The following ZMAT4 variants were observed in gnomAD, a reference collection of about 807,000 sequenced individuals.
The protein encoded by ZMAT4 is zinc finger matrin-type 4.
ZMAT4 carries 17 observed loss-of-function variants against 28.7 expected under a neutral mutation model. The observed-to-expected ratio is 0.59, with a 90% CI of 0.41 to 0.89. ZMAT4 has a LOEUF of 0.89. Among genes scored for constraint, ZMAT4 ranks in the 40% least tolerant of loss-of-function variants. The pLI, the probability that ZMAT4 is intolerant of heterozygous loss-of-function variation, is 0.00. For missense variants in ZMAT4, 240 were observed against 283.8 expected (o/e 0.85, Z 1.11); for synonymous variants, 117 against 109.2 (o/e 1.07, Z -0.44).
At chr8:40,722,073 A>G (rs945121706) in intron 3 of ZMAT4, among the ~76,000 whole-genome samples, 2 of 152,030 alleles carry the variant, frequency 1.3e-5, no homozygotes, top group Non-Finnish European at 2.9e-5. Context: ...TAAAAACCCT[A>G]GAAGAAAACC....
chr8:40,760,551 C>T (rs943158497), intron 3 of ZMAT4, among the ~76,000 whole-genome samples: 1 of 152,176 alleles, frequency 6.6e-6, no homozygotes, highest in African/African-American at 2.4e-5. Context: ...AGTACAAAAT[C>T]TGCAATGAAA....
intron 1 of ZMAT4, among the ~76,000 whole-genome samples, chr8:40,840,680 A>G (rs891798755): frequency 6.6e-6 from 1 of 152,216 alleles, no homozygotes; most frequent in Non-Finnish European, 1.5e-5. Flanking sequence ...AGTAGCATTT[A>G]TGCAGTACTA....
chr8:40,889,236 A>G (rs1458838313), intron 1 of ZMAT4, among the ~76,000 whole-genome samples: 1 of 152,208 alleles, frequency 6.6e-6, no homozygotes, highest in Non-Finnish European at 1.5e-5. Context: ...GATCTTGCAC[A>G]CTTCACACCT....
At chr8:40,877,684 G>A (rs1011641091) in intron 1 of ZMAT4, among the ~76,000 whole-genome samples, 1 of 152,146 alleles carries the variant, frequency 6.6e-6, no homozygotes, top group Admixed American at 6.6e-5. Context: ...ATAAACATAT[G>A]CGTGTGTGTG....
At chr8:40,681,744 ATAT>A (rs140599571) in intron 4 of ZMAT4, among the ~76,000 whole-genome samples, 2 of 152,336 alleles carry the variant, frequency 1.3e-5, no homozygotes, top group South Asian at 2.1e-4. Context: ...GTTTTGATAA[ATAT>A]TATAGCTAAA....
intron 1 of ZMAT4, among the ~76,000 whole-genome samples, chr8:40,874,385 G>A (rs1817967413): frequency 6.6e-6 from 1 of 152,162 alleles, no homozygotes; most frequent in South Asian, 2.1e-4. Flanking sequence ...CTATTTAGTG[G>A]GTTCTGAAGA....
At chr8:40,882,620 G>T (rs879647984) in intron 1 of ZMAT4, among the ~76,000 whole-genome samples, 1 of 152,138 alleles carries the variant, frequency 6.6e-6, no homozygotes, top group Non-Finnish European at 1.5e-5. Flanking sequence ...ACCACCACCA[G>T]CAGCGGCTTT....
intron 1 of ZMAT4, among the ~76,000 whole-genome samples, chr8:40,886,907 C>G (rs1390102821): frequency 6.6e-6 from 1 of 152,182 alleles, no homozygotes. Context: ...CGCAGTGGCT[C>G]ACGCCTATAA....
At chr8:40,707,500 T>C (rs75253190) in intron 3 of ZMAT4, among the ~76,000 whole-genome samples, 2,246 of 152,214 alleles carry the variant, frequency 0.015, 54 homozygotes, top group African/African-American at 0.052. Flanking sequence ...TATCTGCCTA[T>C]TCATAAAAAG....
chr8:40,586,148 G>A lies in ZMAT4; in HGVS notation c.578-4887C>T, dbSNP rs549670146. Among the ~76,000 whole-genome samples, 56 of 152,236 alleles carry A rather than the reference G, an allele frequency of 3.7e-4. 1 individual carries two copies. The South Asian group carries it at 6.0e-3, about 16-fold the overall frequency. ...AAGGGGCAGAGGAGTCCTCCCCCAC[G>A]CATGACACAGTGTCCTTGGTGGGAA... On this transcript the variant is annotated intron_variant, in intron 5 of 6. Transcript: ENST00000297737.
chr8:40,616,337 A>G (rs1806004773), intron 5 of ZMAT4, among the ~76,000 whole-genome samples: 2 of 152,232 alleles, frequency 1.3e-5, no homozygotes, highest in Non-Finnish European at 2.9e-5. Flanking sequence ...GTGATTCCTC[A>G]AGGATCTAGA....
chr8:40,618,534 T>G (rs960804079), intron 5 of ZMAT4, among the ~76,000 whole-genome samples: 3 of 152,198 alleles, frequency 2.0e-5, no homozygotes, highest in African/African-American at 7.2e-5. Context: ...CAGGTAGTAT[T>G]TAGTACAAGG....
At chr8:40,689,731 G>T (rs931746586) in intron 4 of ZMAT4, among the ~76,000 whole-genome samples, 2 of 151,706 alleles carry the variant, frequency 1.3e-5, no homozygotes, top group Non-Finnish European at 2.9e-5. Context: ...TGTGTTTTGC[G>T]TATGGATTTC....
At chr8:40,848,967 C>A (rs1817004355) in intron 1 of ZMAT4, among the ~76,000 whole-genome samples, 1 of 152,248 alleles carries the variant, frequency 6.6e-6, no homozygotes, top group African/African-American at 2.4e-5. Flanking sequence ...CAGCAAGGAG[C>A]TCTCCAAGGT....
intron 4 of ZMAT4, among the ~76,000 whole-genome samples, chr8:40,687,897 T>G (rs2150485514): frequency 6.6e-6 from 1 of 152,332 alleles, no homozygotes; most frequent in South Asian, 2.1e-4. Flanking sequence ...CGGGTAGGCC[T>G]TCAACCCATC....
intron 1 of ZMAT4, among the ~76,000 whole-genome samples, chr8:40,881,498 A>G (rs533727476): frequency 9.4e-5 from 13 of 138,132 alleles, no homozygotes; most frequent in African/African-American, 2.7e-4. Flanking sequence ...AAAGAAAGAA[A>G]GAGGAAGGAA....
Position 40,618,397 on chromosome 8 carries a change from G to A in ZMAT4, c.578-37136C>T, listed in dbSNP as rs575118387. ...TTCTGTCAGAGGGGCTGGGGAAACAGTGAGTATTAATAATACTCCTTGACA... is the reference window on the plus strand; with the variant it reads ...TTCTGTCAGAGGGGCTGGGGAAACAATGAGTATTAATAATACTCCTTGACA... On this transcript the variant is annotated intron_variant, in intron 5 of 6. Coordinates refer to ENST00000297737, the MANE Select transcript of ZMAT4 (RefSeq NM_024645.3). 2.0e-5 allele frequency among the ~76,000 whole-genome samples: 3 copies of A among 152,264 alleles called. No individual in the cohort carries two copies. The East Asian group carries it at 5.8e-4, about 29-fold the overall frequency.
At chr8:40,827,242 T>A (rs1816095040) in intron 1 of ZMAT4, among the ~76,000 whole-genome samples, 1 of 152,020 alleles carries the variant, frequency 6.6e-6, no homozygotes. Flanking sequence ...GATAATAATA[T>A]TTACCATGCC....
chr8:40,770,548 C>CCTT (rs1563472551), intron 2 of ZMAT4, among the ~76,000 whole-genome samples: 8 of 62,342 alleles, frequency 1.3e-4, no homozygotes, highest in African/African-American at 2.3e-4. Context: ...CTTTCTCTCT[C>CCTT]ATTTTTTTTT....
Sources: gnomAD v4.1 joint callset for allele counts (sites outside exome capture counted in the v4.1 genomes callset) on GRCh38, gnomAD v4.1.1 for gene constraint, MANE v1.5 for transcripts, NCBI Gene and HGNC (gene_info 2026-07-23, HGNC 2026-07-21) for gene names.